SMARCA5: variants seen among roughly 807,000 people sequenced by gnomAD.
The protein encoded by SMARCA5 is SWI/SNF-related matrix-associated actin-dependent regulator of chromatin subfamily A member 5.
SMARCA5 carries 18 observed loss-of-function variants against 140.4 expected under a neutral mutation model. That is an observed-to-expected ratio of 0.13 (90% CI 0.09 to 0.19). SMARCA5 has a LOEUF of 0.19. Among genes scored for constraint, SMARCA5 ranks in the 10% least tolerant of loss-of-function variants. SMARCA5 has a pLI of 1.00. For missense variants in SMARCA5, 606 were observed against 1,276.8 expected (o/e 0.47, Z 8.01); for synonymous variants, 449 against 419.6 (o/e 1.07, Z -0.86).
chr4:143,519,296 A>G (rs1229935127), intron 2 of SMARCA5, among the ~76,000 whole-genome samples: 1 of 152,136 alleles, frequency 6.6e-6, no homozygotes, highest in Non-Finnish European at 1.5e-5. Flanking sequence ...TCATGACAGT[A>G]CTGCATACTT....
At chr4:143,545,442 G>A (rs1407062096) in intron 17 of SMARCA5, 28 bp from the exon 18 acceptor site, 1 of 1,426,296 alleles carries the variant, frequency 7.0e-7, no homozygotes, top group East Asian at 2.3e-5. Context: ...CTTTTTTATG[G>A]ATAACACTTA....
At chr4:143,541,965 C>T (rs938571730) in intron 14 of SMARCA5, among the ~76,000 whole-genome samples, 7 of 151,788 alleles carry the variant, frequency 4.6e-5, no homozygotes, top group Non-Finnish European at 7.4e-5. Flanking sequence ...TCAAGCAATT[C>T]TGCTGCCTCA....
chr4:143,522,853 GA>G (rs1272580862), intron 3 of SMARCA5, among the ~76,000 whole-genome samples: 4 of 151,748 alleles, frequency 2.6e-5, no homozygotes, highest in Non-Finnish European at 4.4e-5. Flanking sequence ...GATTCTATTG[GA>G]AATAGTAATA....
At chr4:143,548,298 T>C (rs1737571223) in intron 22 of SMARCA5, 158 bp downstream of exon 22, 1 of 504,496 alleles carries the variant, frequency 2.0e-6, no homozygotes, top group Admixed American at 3.3e-5. Context: ...CTTACAAGTT[T>C]ATTGGTCCTA....
intron 16 of SMARCA5, 22 bp downstream of exon 16, chr4:143,543,994 GT>G: frequency 6.7e-7 from 1 of 1,502,296 alleles, no homozygotes; most frequent in Non-Finnish European, 8.9e-7. Context: ...ATAGGTTTGG[GT>G]TACATGAAAG....
At position 143,517,448 on chromosome 4, in the gene SMARCA5, A is replaced by G; in HGVS notation, c.252+19A>G. 6.6e-7 allele frequency: 1 copy of G among 1,521,882 alleles called. No individual in the cohort carries two copies. Among genetic ancestry groups the G allele is most frequent in the Non-Finnish European group, 9.0e-7 (1 of 1,115,894 alleles). 94.3% of individuals were successfully genotyped at this position (1,521,882 alleles called of 1,614,324 possible). A position where few individuals can be genotyped will look rare whatever the true frequency, so the allele number is the denominator to read the frequency against. ...AAAAATGGTATGTTCTAGGCTTGTGAATAGAGTCTATAAGGAAAACTTTTT... is the reference window on the plus strand; with the variant it reads ...AAAAATGGTATGTTCTAGGCTTGTGGATAGAGTCTATAAGGAAAACTTTTT... On this transcript the variant is annotated intron_variant, in intron 2 of 23. Coordinates refer to ENST00000283131, the MANE Select transcript of SMARCA5 (RefSeq NM_003601.4).
At chr4:143,547,651 A>G in intron 21 of SMARCA5, 148 bp downstream of exon 21, 1 of 599,892 alleles carries the variant, frequency 1.7e-6, no homozygotes, top group Non-Finnish European at 3.0e-6. Flanking sequence ...TTGTCAGCAG[A>G]ATTTACCTAT....
At chr4:143,530,419 T>C in intron 8 of SMARCA5, 39 bp from the exon 9 acceptor site, 1 of 1,340,540 alleles carries the variant, frequency 7.5e-7, no homozygotes, top group Non-Finnish European at 1.1e-6. Context: ...TTGTTAATAT[T>C]ATCTCTGATC....
intron 2 of SMARCA5, among the ~76,000 whole-genome samples, chr4:143,520,302 C>T (rs1351946218): frequency 2.6e-5 from 4 of 152,144 alleles, no homozygotes; most frequent in African/African-American, 4.8e-5. Context: ...TTGTTCAGCA[C>T]TTTAAAAACA....
In SMARCA5 at chr4:143,536,581, A is replaced by C. The variant is rs762629692; in HGVS notation, c.1398A>C (p.Ala466=). Residue 466 remains alanine (A), a synonymous_variant, in exon 11 of 24, where the codon GCA becomes GCC. Transcript: ENST00000283131. The part of the protein sequence containing the change: ...CCNHPYLFDG[A]EPGPPYTTDM... Reference sequence around the variant, plus strand: ...ATCATCCATATCTCTTTGATGGAGCAGAACCTGGTCCACCTTATACAACAG... The same window carrying C: ...ATCATCCATATCTCTTTGATGGAGCCGAACCTGGTCCACCTTATACAACAG... The C allele has an allele frequency of 2.5e-6, 4 of 1,613,956 alleles. No homozygotes were observed. In the Admixed American group the frequency reaches 6.7e-5, roughly 27 times the overall value.
chr4:143,550,738 C>T (rs1737625971), intron 23 of SMARCA5, among the ~76,000 whole-genome samples: 2 of 152,064 alleles, frequency 1.3e-5, no homozygotes, highest in South Asian at 4.1e-4. Flanking sequence ...CAGTTCCATC[C>T]ATGTTGCTGC....
At chr4:143,514,668 G>GCC in intron 1 of SMARCA5, 1 of 152,682 alleles carries the variant, frequency 6.5e-6, no homozygotes, top group African/African-American at 2.4e-5. Flanking sequence ...GATAAGCGGG[G>GCC]CGCAGCTGCT....
chr4:143,515,845 C>CA lies in SMARCA5; in HGVS notation c.178-1502dup, dbSNP rs1003848935. Among the ~76,000 whole-genome samples, 84 of 151,392 alleles carry CA rather than the reference C, an allele frequency of 5.5e-4. No individual in the cohort carries two copies. In the Middle Eastern group the frequency reaches 0.02, roughly 37 times the overall value. On this transcript the variant is annotated intron_variant, in intron 1 of 23. Transcript: ENST00000283131. Reference sequence around the variant, plus strand: ...CCATCTTGCTCTGCCATGTTCTTACCAAAAAAAACATATTTGGCGGTTCAA... The same window carrying CA: ...CCATCTTGCTCTGCCATGTTCTTACCAAAAAAAAACATATTTGGCGGTTCAA...
At position 143,536,638 on chromosome 4, in the gene SMARCA5, G is replaced by C. The variant is rs1430653841; in HGVS notation, c.1455G>C (p.Met485Ile). The C allele has an allele frequency of 6.2e-7, 1 of 1,613,474 alleles. No homozygotes were observed. Among genetic ancestry groups the C allele is most frequent in the Non-Finnish European group, 8.5e-7 (1 of 1,179,708 alleles). The stretch of plus-strand genomic sequence containing the variant: ...ATCTAGTAACCAACAGTGGCAAAAT[G>C]GTGGTTTTAGACAAGCTGCTCCCTA... ...DMHLVTNSGK[M>I]VVLDKLLPKL... The change falls in exon 11 of 24, where the codon ATG (methionine) becomes ATC (isoleucine). Residue 485 changes from methionine (M) to isoleucine (I), a missense_variant. Coordinates refer to ENST00000283131, the MANE Select transcript of SMARCA5 (RefSeq NM_003601.4).
chr4:143,542,345 C>T (rs1171041835), intron 14 of SMARCA5, among the ~76,000 whole-genome samples: 1 of 152,130 alleles, frequency 6.6e-6, no homozygotes, highest in Non-Finnish European at 1.5e-5. Context: ...CTTTGTGTTA[C>T]TGTTTTTTAT....
chr4:143,536,793 A>G lies in SMARCA5; in HGVS notation c.1495+115A>G. The G allele has an allele frequency of 1.1e-5, 8 of 720,716 alleles. No individual in the cohort carries two copies. In the South Asian group the frequency reaches 1.2e-4, roughly 11 times the overall value. The allele number at this position is 720,716 out of a possible 1,614,324, so 44.6% of individuals were successfully genotyped here. On this transcript the variant is annotated intron_variant, in intron 11 of 23. Transcript: ENST00000283131. ...ATGCTTTCCAAGGTTGACGTGTAGAACATTAAAAAAACCTGTTCATTATCT... is the reference window on the plus strand; with the variant it reads ...ATGCTTTCCAAGGTTGACGTGTAGAGCATTAAAAAAACCTGTTCATTATCT...
intron 9 of SMARCA5, among the ~76,000 whole-genome samples, chr4:143,534,371 A>T (rs569376376): frequency 6.6e-6 from 1 of 152,294 alleles, no homozygotes; most frequent in African/African-American, 2.4e-5. Context: ...TCATATCCAT[A>T]GGTTCCACAT....
chr4:143,545,331 G>A (rs1383393249), intron 17 of SMARCA5, 139 bp from the exon 18 acceptor site: 6 of 654,596 alleles, frequency 9.2e-6, no homozygotes, highest in Non-Finnish European at 1.6e-5. Flanking sequence ...TTAAAATTAA[G>A]ATATAAATTC....
intron 14 of SMARCA5, among the ~76,000 whole-genome samples, chr4:143,543,299 G>T (rs1737466504): frequency 6.6e-6 from 1 of 152,054 alleles, no homozygotes; most frequent in Non-Finnish European, 1.5e-5. Flanking sequence ...TAATACATAA[G>T]GTTTAGGAAT....
Sources: gnomAD v4.1 joint callset for allele counts (sites outside exome capture counted in the v4.1 genomes callset) on GRCh38, gnomAD v4.1.1 for gene constraint, MANE v1.5 for transcripts, NCBI Gene and HGNC (gene_info 2026-07-23, HGNC 2026-07-21) for gene names.